Variants in CCDC73 observed in about 807,000 individuals in gnomAD.
The protein encoded by CCDC73 is coiled-coil domain containing 73, also known as coiled-coil domain-containing protein 73.
A neutral mutation model predicts 116.5 loss-of-function variants in CCDC73; 95 were observed. The ratio of observed to expected loss-of-function variants is 0.82; its 90% CI spans 0.69 to 0.97. The LOEUF (loss-of-function observed/expected upper bound fraction) is 0.97, where lower values mean the gene tolerates loss of function less well. CCDC73 is among the 50% of genes least tolerant of loss of function. CCDC73 has a pLI of 0.00. For missense variants in CCDC73, 1,066 were observed against 1,206.8 expected, an observed-to-expected ratio of 0.88 and a Z score of 1.73; for synonymous variants, 398 against 401.3, an observed-to-expected ratio of 0.99 and a Z score of 0.10.
In CCDC73 at chr11:32,635,797, T is replaced by C. The variant is rs757696396; in HGVS notation, c.1084A>G (p.Lys362Glu). The part of the protein sequence containing the change: ...EELNGEINKI[K>E]NELSSLKETH... ...TCTTTAAGGGATGATAATTCATTTTTAATCTTATTAATTTCTCCATTAAGT... is the reference window on the plus strand; with the variant it reads ...TCTTTAAGGGATGATAATTCATTTTCAATCTTATTAATTTCTCCATTAAGT... The change falls in exon 14 of 18, where the codon AAA (lysine) becomes GAA (glutamate). Residue 362 changes from lysine to glutamate, a missense_variant. Physicochemically the swap from Lys to Glu is moderately conservative, Grantham distance 56. Coordinates refer to ENST00000335185, the MANE Select transcript of CCDC73 (RefSeq NM_001008391.4). 9.0e-6 allele frequency: 11 copies of C among 1,224,496 alleles called. No homozygotes were observed. The highest frequency in any genetic ancestry group is 3.1e-5 in the African/African-American group (2 of 64,500). The allele number at this position is 1,224,496 out of a possible 1,614,324, so 75.9% of individuals were successfully genotyped here. A position where few individuals can be genotyped will look rare whatever the true frequency, so the allele number is the denominator to read the frequency against.
At chr11:32,830,435 T>C in the CCDC73 span, 1 of 1,193,570 alleles carries the variant, frequency 8.4e-7, no homozygotes, top group Non-Finnish European at 1.1e-6. Flanking sequence ...AGGTTGGTGA[T>C]TCAGTTCGAC....
At chr11:32,749,877 C>CT (rs34801585) in intron 2 of CCDC73, among the ~76,000 whole-genome samples, 279 of 140,212 alleles carry the variant, frequency 2.0e-3, no homozygotes, top group Middle Eastern at 3.8e-3. Flanking sequence ...TTTTTTTTTT[C>CT]TTTTTTTTTT....
chr11:32,622,513 G>C (rs769440471), intron 14 of CCDC73, among the ~76,000 whole-genome samples: 2 of 152,028 alleles, frequency 1.3e-5, no homozygotes. Flanking sequence ...CTGTCCGGGT[G>C]GGGGGCAGCA....
chr11:32,613,353 A>T, intron 16 of CCDC73, 69 bp downstream of exon 16: 1 of 1,265,996 alleles, frequency 7.9e-7, no homozygotes, highest in Non-Finnish European at 1.1e-6. Flanking sequence ...ACAAAATATG[A>T]CTGTACACAT....
chr11:32,682,871 A>G (rs2133294911), intron 7 of CCDC73: 1 of 152,578 alleles, frequency 6.6e-6, no homozygotes, highest in South Asian at 2.1e-4. Flanking sequence ...GATCAGTACC[A>G]TATCCCAAGT....
intron 2 of CCDC73, among the ~76,000 whole-genome samples, chr11:32,756,453 A>C (rs972419737): frequency 6.3e-5 from 9 of 142,494 alleles, no homozygotes; most frequent in East Asian, 2.0e-4. Context: ...ATCTATATAT[A>C]TCTCTCTATA....
intron 1 of CCDC73, among the ~76,000 whole-genome samples, chr11:32,767,483 A>C (rs895989292): frequency 2.0e-5 from 3 of 152,222 alleles, no homozygotes; most frequent in African/African-American, 7.2e-5. Context: ...GATCTAATTA[A>C]ACTAAAGAGT....
rs926980699 is a variant in CCDC73 at position 32,664,424 on chromosome 11, C to G, written c.646-9452G>C. ...TTAGTCTTGGGAGAGTGTATGTGTC[C>G]AGGAATTTATTCATTTCTTCTAGAT... On this transcript the variant is annotated intron_variant, in intron 9 of 17. Transcript: ENST00000335185. Among the ~76,000 whole-genome samples, 10 of 152,176 alleles carry G rather than the reference C, an allele frequency of 6.6e-5. No individual in the cohort carries two copies. The East Asian group carries it at 1.7e-3, about 26-fold the overall frequency.
At chr11:32,651,976 A>G (rs1855829691) in intron 12 of CCDC73, among the ~76,000 whole-genome samples, 1 of 152,198 alleles carries the variant, frequency 6.6e-6, no homozygotes, top group Non-Finnish European at 1.5e-5. Context: ...CTCCTCCACT[A>G]ATCTCCATGG....
At chr11:32,621,466 C>T (rs1420603432) in intron 14 of CCDC73, among the ~76,000 whole-genome samples, 3 of 152,094 alleles carry the variant, frequency 2.0e-5, no homozygotes, top group Non-Finnish European at 4.4e-5. Flanking sequence ...AACTGGCTGG[C>T]CATATGCAGA....
At chr11:32,607,864 T>A (rs1170085120) in intron 17 of CCDC73, among the ~76,000 whole-genome samples, 1 of 152,144 alleles carries the variant, frequency 6.6e-6, no homozygotes. Flanking sequence ...TGGGGAGGCC[T>A]CATAATCATG....
the CCDC73 span, among the ~76,000 whole-genome samples, chr11:32,826,896 T>C: frequency 6.6e-6 from 1 of 152,070 alleles, no homozygotes; most frequent in Non-Finnish European, 1.5e-5. Flanking sequence ...AGTTTCACTC[T>C]TGTTGCCCAG....
At chr11:32,649,039 C>T (rs1305462644) in intron 12 of CCDC73, among the ~76,000 whole-genome samples, 1 of 152,168 alleles carries the variant, frequency 6.6e-6, no homozygotes, top group African/African-American at 2.4e-5. Context: ...AGCTCTAAGT[C>T]CAGTACTTAT....
intron 2 of CCDC73, among the ~76,000 whole-genome samples, chr11:32,755,927 CTA>C (rs772307704): frequency 0.011 from 256 of 24,224 alleles, 31 homozygotes; most frequent in Admixed American, 0.013. Flanking sequence ...ATATATATAT[CTA>C]TATATATATC....
Position 32,760,179 on chromosome 11 carries a change from A to C in CCDC73, c.65T>G (p.Leu22Trp), listed in dbSNP as rs1490683989. 6.3e-7 allele frequency: 1 copy of C among 1,599,868 alleles called. No homozygotes were observed. The highest frequency in any genetic ancestry group is 8.5e-7 in the Non-Finnish European group (1 of 1,170,184). Residue 22 changes from leucine to tryptophan, a missense_variant, in exon 2 of 18, where the codon TTG becomes TGG. By Grantham distance (61) the Leu-to-Trp change is moderately conservative. Coordinates refer to ENST00000335185, the MANE Select transcript of CCDC73 (RefSeq NM_001008391.4). Reference protein sequence around the residue: ...TFTLQSSSETLFSIQLLDFKT... With the variant: ...TFTLQSSSETWFSIQLLDFKT... Reference sequence around the variant, plus strand: ...GAAATCTAATAGCTGAATAGAAAACAATGTCTCTGAAGAACTTTGAAGAGT... The same window carrying C: ...GAAATCTAATAGCTGAATAGAAAACCATGTCTCTGAAGAACTTTGAAGAGT...
intron 2 of CCDC73, among the ~76,000 whole-genome samples, chr11:32,750,857 C>T (rs1350693229): frequency 6.6e-6 from 1 of 152,116 alleles, no homozygotes. Flanking sequence ...TTATTCTTCC[C>T]CCTCCTTTTC....
intron 6 of CCDC73, among the ~76,000 whole-genome samples, chr11:32,688,519 G>A (rs1032019898): frequency 6.6e-6 from 1 of 152,148 alleles, no homozygotes; most frequent in Non-Finnish European, 1.5e-5. Context: ...GACAATTTGT[G>A]AAACTGAATG....
chr11:32,703,937 G>T (rs1334858841), intron 3 of CCDC73, among the ~76,000 whole-genome samples: 1 of 152,220 alleles, frequency 6.6e-6, no homozygotes, highest in African/African-American at 2.4e-5. Flanking sequence ...GTTTGCTCCA[G>T]ATTTCTAAAT....
intron 10 of CCDC73, 21 bp from the exon 11 acceptor site, chr11:32,654,058 T>TA: frequency 6.4e-7 from 1 of 1,573,564 alleles, no homozygotes; most frequent in Non-Finnish European, 8.6e-7. Context: ...TGAATAGTTT[T>TA]AAAGTTATGA....
Sources: allele counts gnomAD v4.1 joint callset (sites outside exome capture counted in the v4.1 genomes callset), GRCh38; gene constraint gnomAD v4.1.1; transcripts MANE v1.5; gene names NCBI Gene and HGNC (gene_info 2026-07-23, HGNC 2026-07-21).